The following TRPC1 variants were observed in gnomAD, a reference collection of about 807,000 sequenced individuals.
TRPC1 encodes short transient receptor potential channel 1.
In TRPC1, 42 loss-of-function variants were observed where a neutral mutation model predicts 88.2. The observed-to-expected ratio is 0.48, with a 90% CI of 0.37 to 0.62. The LOEUF (loss-of-function observed/expected upper bound fraction) is 0.62, where lower values mean the gene tolerates loss of function less well. Among genes scored for constraint, TRPC1 ranks in the 20% least tolerant of loss-of-function variants. The pLI is 0.00. For missense variants in TRPC1, 699 were observed against 957.3 expected (o/e 0.73, Z 3.56); for synonymous variants, 288 against 331.8 (o/e 0.87, Z 1.43).
intron 7 of TRPC1, among the ~76,000 whole-genome samples, chr3:142,790,477 AATTT>A (rs1377307600): frequency 1.3e-5 from 2 of 152,166 alleles, no homozygotes; most frequent in Non-Finnish European, 2.9e-5. Context: ...GGTTTACTTA[AATTT>A]GTAGAAGTAA....
chr3:142,756,332 A>T (rs1934961052), intron 4 of TRPC1, among the ~76,000 whole-genome samples: 1 of 151,398 alleles, frequency 6.6e-6, no homozygotes, highest in Non-Finnish European at 1.5e-5. Context: ...GAAACAGTTT[A>T]ACATTTTTAC....
At position 142,806,430 on chromosome 3, in the gene TRPC1, G is replaced by C. The variant is rs547467790; in HGVS notation, c.*195G>C. 4.2e-5 allele frequency: 18 copies of C among 428,550 alleles called. No homozygotes were observed. The highest frequency in any genetic ancestry group is 3.3e-4 in the African/African-American group (16 of 48,790). 26.5% of individuals were successfully genotyped at this position (428,550 alleles called of 1,614,324 possible). A position where few individuals can be genotyped will look rare whatever the true frequency, so the allele number is the denominator to read the frequency against. On this transcript the variant is annotated 3_prime_UTR_variant, in exon 13 of 13. Coordinates refer to ENST00000476941, the MANE Select transcript of TRPC1 (RefSeq NM_001251845.2). ...AATTAGTTTTTTAAACCTTCTGTTA[G>C]TGGCTTTTTGCAGAAGCAAAACAGA...
intron 1 of TRPC1, among the ~76,000 whole-genome samples, chr3:142,727,419 G>T (rs1338210551): frequency 6.6e-6 from 1 of 152,208 alleles, no homozygotes; most frequent in African/African-American, 2.4e-5. Flanking sequence ...CCCTTTGAAA[G>T]ATGTGTACAG....
At chr3:142,773,874 T>C (rs1205295760) in intron 4 of TRPC1, among the ~76,000 whole-genome samples, 1 of 151,326 alleles carries the variant, frequency 6.6e-6, no homozygotes, top group African/African-American at 2.4e-5. Context: ...ACATCTAGTA[T>C]TTGTTTGTTT....
Position 142,807,031 on chromosome 3 carries a change from T to C in TRPC1, c.*796T>C, listed in dbSNP as rs1356127029. The C allele has an allele frequency of 2.0e-5, 3 of 152,146 alleles. No homozygotes were observed. The highest frequency in any genetic ancestry group is 4.4e-5 in the Non-Finnish European group (3 of 68,014). The allele number at this position is 152,146 out of a possible 1,614,324, so 9.4% of individuals were successfully genotyped here. ...ATTCAGTTATGTTTATAAGTTTGCA[T>C]AGCTACTTCTCGACATTTGGTTTGT... On this transcript the variant is annotated 3_prime_UTR_variant, in exon 13 of 13. Transcript: ENST00000476941.
intron 4 of TRPC1, among the ~76,000 whole-genome samples, chr3:142,772,572 A>G (rs892863455): frequency 1.3e-5 from 2 of 152,070 alleles, no homozygotes; most frequent in African/African-American, 4.8e-5. Context: ...AAGGCGGGTG[A>G]ATCACCTGAG....
intron 9 of TRPC1, among the ~76,000 whole-genome samples, chr3:142,796,649 G>A (rs1346381643): frequency 6.9e-6 from 1 of 145,102 alleles, no homozygotes; most frequent in Non-Finnish European, 1.5e-5. Flanking sequence ...ACATACTATT[G>A]GAAAAATGGC....
intron 1 of TRPC1, among the ~76,000 whole-genome samples, chr3:142,732,304 G>T (rs1023038625): frequency 1.3e-5 from 2 of 152,082 alleles, no homozygotes; most frequent in African/African-American, 4.8e-5. Context: ...TTCAGGTGTT[G>T]GCTGGAACAA....
At chr3:142,748,597 C>A in intron 4 of TRPC1, 137 bp downstream of exon 4, 2 of 824,742 alleles carry the variant, frequency 2.4e-6, no homozygotes, top group Non-Finnish European at 3.8e-6. Context: ...CTTGTAGCTC[C>A]TTTGTTTTAT....
At chr3:142,781,154 C>G in intron 6 of TRPC1, 125 bp downstream of exon 6, 1 of 682,580 alleles carries the variant, frequency 1.5e-6, no homozygotes. Context: ...AATTGTGTGT[C>G]TTGGGATAGT....
intron 4 of TRPC1, among the ~76,000 whole-genome samples, chr3:142,753,033 A>G (rs941647805): frequency 2.0e-5 from 3 of 152,210 alleles, no homozygotes; most frequent in Non-Finnish European, 4.4e-5. Flanking sequence ...TCCTTTCTGC[A>G]TAGACACAGT....
At chr3:142,785,187 A>T (rs1042324698) in intron 7 of TRPC1, 147 bp downstream of exon 7, 3 of 617,276 alleles carry the variant, frequency 4.9e-6, no homozygotes, top group Non-Finnish European at 8.1e-6. Flanking sequence ...ATCACTGAAG[A>T]CTTAACTAAC....
chr3:142,780,051 G>T (rs1935910613), intron 5 of TRPC1, among the ~76,000 whole-genome samples: 1 of 152,052 alleles, frequency 6.6e-6, no homozygotes, highest in Non-Finnish European at 1.5e-5. Flanking sequence ...GTTTTGCCAT[G>T]TTGGCCAGGC....
chr3:142,805,553 CAG>C (rs923240851), intron 12 of TRPC1, among the ~76,000 whole-genome samples: 5 of 152,036 alleles, frequency 3.3e-5, no homozygotes, highest in Admixed American at 6.6e-5. Flanking sequence ...ATAACAATAA[CAG>C]TAATAACTTT....
intron 4 of TRPC1, among the ~76,000 whole-genome samples, chr3:142,762,228 G>C (rs1479018840): frequency 1.3e-5 from 2 of 151,994 alleles, no homozygotes; most frequent in Non-Finnish European, 2.9e-5. Context: ...TAGAGATGGG[G>C]TTTCACCATG....
intron 4 of TRPC1, among the ~76,000 whole-genome samples, chr3:142,751,118 T>G (rs759677285): frequency 2.0e-5 from 3 of 152,162 alleles, no homozygotes; most frequent in Non-Finnish European, 4.4e-5. Flanking sequence ...TAATTTAGTA[T>G]TAAAGAAACT....
intron 9 of TRPC1, among the ~76,000 whole-genome samples, 183 bp downstream of exon 9, chr3:142,793,150 T>C (rs1055750130): frequency 5.9e-5 from 9 of 152,048 alleles, no homozygotes. Flanking sequence ...TGATAATCCT[T>C]TGCTTTCAGG....
intron 9 of TRPC1, 91 bp downstream of exon 9, chr3:142,793,058 A>G: frequency 8.9e-7 from 1 of 1,125,360 alleles, no homozygotes; most frequent in Non-Finnish European, 1.2e-6. Context: ...TTCTCTCATG[A>G]TATTAAAGCT....
At chr3:142,752,710 A>G (rs1303490156) in intron 4 of TRPC1, among the ~76,000 whole-genome samples, 1 of 152,226 alleles carries the variant, frequency 6.6e-6, no homozygotes, top group Admixed American at 6.5e-5. Context: ...AACCTTGGAC[A>G]ATACCCTGCT....
Sources: allele counts gnomAD v4.1 joint callset (sites outside exome capture counted in the v4.1 genomes callset), GRCh38; gene constraint gnomAD v4.1.1; transcripts MANE v1.5; gene names NCBI Gene and HGNC (gene_info 2026-07-23, HGNC 2026-07-21).